The following ZFHX3 variants were observed in gnomAD, a reference collection of about 807,000 sequenced individuals.
ZFHX3 encodes zinc finger homeobox protein 3.
Under a neutral mutation model 279.1 loss-of-function variants are expected in ZFHX3, and 42 were observed. That is an observed-to-expected ratio of 0.15 (90% CI 0.12 to 0.19). ZFHX3 has a LOEUF of 0.19. Ranked by LOEUF, ZFHX3 falls within the 10% of genes least tolerant of loss-of-function variation. The pLI is 1.00. For missense variants in ZFHX3, 4,981 were observed against 4,754.0 expected (o/e 1.05, Z -1.40); for synonymous variants, 2,293 against 1,957.8 (o/e 1.17, Z -4.52).
chr16:73,527,523 CT>C lies in ZFHX3; in HGVS notation c.-1546-71266del, dbSNP rs777022065. ...AGTCCGGTCTCCTGGTACTTGGGCG[CT>C]TATGTCACTCCCTCCCCTTGAGTAT... On this transcript the variant is annotated intron_variant, in intron 2 of 17. Coordinates refer to the ZFHX3 transcript ENST00000641206. Among the ~76,000 whole-genome samples, 9 of 152,138 alleles carry C rather than the reference CT, an allele frequency of 5.9e-5. No individual in the cohort carries two copies. In the South Asian group the frequency reaches 6.2e-4, roughly 11 times the overall value.
At chr16:73,774,497 C>T (rs1215522971) in intron 1 of ZFHX3, among the ~76,000 whole-genome samples, 1 of 152,200 alleles carries the variant, frequency 6.6e-6, no homozygotes, top group Non-Finnish European at 1.5e-5. Flanking sequence ...GTTCTTCCTA[C>T]TTGTAAGCAC....
rs1362676560 is a variant in ZFHX3, at chr16:73,428,235, C to T, written c.-1291+27768G>A. On this transcript the variant is annotated intron_variant, in intron 3 of 17. Transcript: ENST00000641206. The stretch of plus-strand genomic sequence containing the variant: ...TCCCCTTCCCCAGTGACCCCAGGGT[C>T]GGGGGCACACATGCCGGCCTTGAAC... 3.9e-5 allele frequency among the ~76,000 whole-genome samples: 6 copies of T among 152,070 alleles called. No homozygotes were observed. The South Asian group carries it at 8.3e-4, about 21-fold the overall frequency.
intron 4 of ZFHX3, among the ~76,000 whole-genome samples, chr16:72,850,035 A>C (rs1195736527): frequency 6.6e-6 from 1 of 152,198 alleles, no homozygotes; most frequent in East Asian, 1.9e-4. Flanking sequence ...CAGAGCAAAC[A>C]AGAGGATTAG....
intron 1 of ZFHX3, among the ~76,000 whole-genome samples, chr16:73,744,383 T>C (rs2053685762): frequency 6.6e-6 from 1 of 152,194 alleles, no homozygotes; most frequent in African/African-American, 2.4e-5. Flanking sequence ...GGGCTTCAGA[T>C]GCAATTATTC....
intron 5 of ZFHX3, among the ~76,000 whole-genome samples, chr16:73,227,771 C>T (rs1340367791): frequency 6.9e-5 from 10 of 145,154 alleles, no homozygotes; most frequent in Admixed American, 6.4e-4. Context: ...ATCATTTGAA[C>T]CAGGGAGGCA....
At chr16:73,505,884 C>A (rs1013707037) in intron 2 of ZFHX3, among the ~76,000 whole-genome samples, 2 of 152,264 alleles carry the variant, frequency 1.3e-5, no homozygotes, top group African/African-American at 4.8e-5. Flanking sequence ...CTTTCCCGCT[C>A]CATGCACGAG....
chr16:73,152,258 T>C (rs1309817571), intron 5 of ZFHX3, among the ~76,000 whole-genome samples: 1 of 152,216 alleles, frequency 6.6e-6, no homozygotes, highest in Non-Finnish European at 1.5e-5. Context: ...ATCTTCAATA[T>C]GCAGATTCAA....
chr16:73,750,953 A>G (rs2053757086), intron 1 of ZFHX3, among the ~76,000 whole-genome samples: 1 of 152,220 alleles, frequency 6.6e-6, no homozygotes, highest in Non-Finnish European at 1.5e-5. Flanking sequence ...GAGCATAAAA[A>G]TCCAAAATGG....
At chr16:73,566,433 C>G (rs2020451737) in intron 2 of ZFHX3, among the ~76,000 whole-genome samples, 1 of 152,310 alleles carries the variant, frequency 6.6e-6, no homozygotes, top group Non-Finnish European at 1.5e-5. Context: ...ATCAACCGGG[C>G]TGATTCCTTC....
chr16:73,273,615 G>T (rs945727338), intron 4 of ZFHX3, among the ~76,000 whole-genome samples: 1 of 152,148 alleles, frequency 6.6e-6, no homozygotes, highest in Non-Finnish European at 1.5e-5. Context: ...TCCCAGAGAT[G>T]TTTCCGCATC....
intron 7 of ZFHX3, among the ~76,000 whole-genome samples, chr16:72,809,031 A>G (rs568916085): frequency 6.6e-6 from 1 of 152,340 alleles, no homozygotes; most frequent in African/African-American, 2.4e-5. Flanking sequence ...CAGAAGTAAT[A>G]TCCTGCCCTT....
intron 7 of ZFHX3, among the ~76,000 whole-genome samples, chr16:73,104,551 C>T (rs1321944091): frequency 6.6e-6 from 1 of 152,072 alleles, no homozygotes; most frequent in Non-Finnish European, 1.5e-5. Flanking sequence ...TCAATGTGAC[C>T]ATTTGGGCAA....
chr16:73,887,043 T>A (rs9708730), intron 1 of ZFHX3, among the ~76,000 whole-genome samples: 14,578 of 152,240 alleles, frequency 0.096, 929 homozygotes, highest in Middle Eastern at 0.17. Flanking sequence ...CAGTCAAAAA[T>A]CCATATGGTC....
chr16:72,786,932 G>A lies in ZFHX3; in HGVS notation c.*232C>T, dbSNP rs2035403394. ...AAAGGACACAATGTAACAGGGTTAGGGCTTTTTTTTTTTTTTTAATATTAA... is the reference window on the plus strand; with the variant it reads ...AAAGGACACAATGTAACAGGGTTAGAGCTTTTTTTTTTTTTTTAATATTAA... On this transcript the variant is annotated 3_prime_UTR_variant, in exon 10 of 10. Coordinates refer to ENST00000268489, the MANE Select transcript of ZFHX3 (RefSeq NM_006885.4). 3.2e-6 allele frequency: 1 copy of A among 311,344 alleles called. No individual in the cohort carries two copies. The highest frequency in any genetic ancestry group is 2.2e-5 in the African/African-American group (1 of 45,406). The allele number at this position is 311,344 out of a possible 1,614,324, so 19.3% of individuals were successfully genotyped here.
intron 5 of ZFHX3, among the ~76,000 whole-genome samples, chr16:73,234,419 GT>G (rs1034083551): frequency 2.6e-5 from 4 of 152,076 alleles, no homozygotes; most frequent in Non-Finnish European, 4.4e-5. Flanking sequence ...TTTTGTGTTT[GT>G]TTTTTTGTTT....
intron 2 of ZFHX3, among the ~76,000 whole-genome samples, chr16:73,658,918 T>A (rs888834309): frequency 1.3e-5 from 2 of 152,170 alleles, no homozygotes; most frequent in Non-Finnish European, 2.9e-5. Flanking sequence ...GACGCATTAT[T>A]TACCAAGAAC....
chr16:73,070,930 GCGCGCGCGCACACACACA>G (rs1224683710), intron 8 of ZFHX3, among the ~76,000 whole-genome samples: 1 of 26,936 alleles, frequency 3.7e-5, no homozygotes, highest in African/African-American at 8.8e-5. Context: ...GCGCGCGCGC[GCGCGCGCGCACACACACA>G]CACACACACA....
At chr16:73,319,266 C>T (rs919232647) in intron 3 of ZFHX3, among the ~76,000 whole-genome samples, 7 of 151,956 alleles carry the variant, frequency 4.6e-5, no homozygotes, top group African/African-American at 1.7e-4. Context: ...GCATCAAAGG[C>T]CAAGCAACGT....
intron 8 of ZFHX3, among the ~76,000 whole-genome samples, chr16:73,078,705 C>T (rs1040961166): frequency 9.2e-5 from 14 of 151,576 alleles, no homozygotes; most frequent in Admixed American, 1.3e-4. Context: ...AGTGCAGTGG[C>T]GCAATCTCCA....
Sources: allele counts gnomAD v4.1 joint callset (sites outside exome capture counted in the v4.1 genomes callset), GRCh38; gene constraint gnomAD v4.1.1; transcripts MANE v1.5; gene names NCBI Gene and HGNC (gene_info 2026-07-23, HGNC 2026-07-21).